TNRC6B: variants seen among roughly 807,000 people sequenced by gnomAD.
TNRC6B encodes the protein trinucleotide repeat-containing gene 6B protein.
Under a neutral mutation model 203.6 loss-of-function variants are expected in TNRC6B, and 52 were observed. That is an observed-to-expected ratio of 0.26 (90% CI 0.20 to 0.32). The LOEUF is 0.32. TNRC6B is among the 10% of genes least tolerant of loss of function. The probability of loss-of-function intolerance (pLI) is 1.00; values close to 1 mark genes in which losing one functional copy is unlikely to be tolerated. For synonymous variants in TNRC6B, 838 were observed against 845.7 expected, an observed-to-expected ratio of 0.99 and a Z score of 0.16; for missense variants, 1,923 against 2,286.2, an observed-to-expected ratio of 0.84 and a Z score of 3.24.
At chr22:40,239,646 T>TA (rs1251848303) in intron 1 of TNRC6B, among the ~76,000 whole-genome samples, 2 of 152,160 alleles carry the variant, frequency 1.3e-5, no homozygotes, top group Non-Finnish European at 2.9e-5. Context: ...GAATGCCAAT[T>TA]ACAGATGCTT....
chr22:40,320,050 A>C (rs1385872999), intron 21 of TNRC6B, among the ~76,000 whole-genome samples: 1 of 152,254 alleles, frequency 6.6e-6, no homozygotes, highest in Non-Finnish European at 1.5e-5. Flanking sequence ...AAAGAACTAC[A>C]GAGAAACTGC....
At chr22:40,133,147 TTGAC>T (rs1197340907) in intron 3 of TNRC6B, among the ~76,000 whole-genome samples, 2 of 151,702 alleles carry the variant, frequency 1.3e-5, no homozygotes, top group South Asian at 4.2e-4. Context: ...ACATGTGGCT[TTGAC>T]TGGTTAAATG....
intron 15 of TNRC6B, among the ~76,000 whole-genome samples, chr22:40,302,632 CAA>C (rs200078286): frequency 2.1e-4 from 15 of 70,448 alleles, no homozygotes; most frequent in Admixed American, 4.8e-4. Flanking sequence ...GACCCCATCT[CAA>C]AAAAAAAAAA....
At chr22:40,152,163 C>T (rs960969650) in intron 3 of TNRC6B, among the ~76,000 whole-genome samples, 8 of 151,958 alleles carry the variant, frequency 5.3e-5, no homozygotes, top group African/African-American at 1.7e-4. Flanking sequence ...TCTTTCTTAC[C>T]ACTATAAAAA....
intron 15 of TNRC6B, among the ~76,000 whole-genome samples, chr22:40,304,629 A>G (rs1374673693): frequency 6.6e-6 from 1 of 152,236 alleles, no homozygotes; most frequent in East Asian, 1.9e-4. Flanking sequence ...TTAAAATAAG[A>G]TGGTAGCGAA....
Position 40,281,133 on chromosome 22 carries a change from C to G in TNRC6B, c.3426C>G (p.Phe1142Leu). ...CTACTTTTCAGCTGACTTTGCCTTT[C>G]TCCAATCAAGATGGGTGCCTTGGGG... ...GPYFEKLTLP[F>L]SNQDGCLGDE... is the part of the protein sequence containing the mutation. The change falls in exon 11 of 23, where the codon TTC (phenylalanine) becomes TTG (leucine). Residue 1142 changes from phenylalanine (F) to leucine (L), a missense_variant. By Grantham distance (22) the Phe-to-Leu change is conservative (BLOSUM62 0). Transcript: ENST00000454349. 1 of 1,549,676 alleles carries G rather than the reference C, an allele frequency of 6.5e-7. No individual in the cohort carries two copies. Among genetic ancestry groups the G allele is most frequent in the Non-Finnish European group, 8.7e-7 (1 of 1,146,070 alleles).
chr22:40,219,802 T>C (rs759231253), intron 1 of TNRC6B, among the ~76,000 whole-genome samples: 1 of 152,186 alleles, frequency 6.6e-6, no homozygotes, highest in Non-Finnish European at 1.5e-5. Flanking sequence ...CCTATTACCC[T>C]GTCTGGTTTA....
Position 40,266,274 on chromosome 22 carries a change from G to C in TNRC6B, c.2044G>C (p.Glu682Gln). ...CAATCAAATGAAGTCTGGATGGGGG[G>C]AGCTCTCAGCCTCTACAGAGTGGAA... The part of the protein sequence containing the change: ...QSNQMKSGWG[E>Q]LSASTEWKDP... The change falls in exon 5 of 23, where the codon GAG becomes CAG. Residue 682 changes from glutamate to glutamine, a missense_variant. Around this residue, in one of 8 missense-constraint regions of TNRC6B, gnomAD observed 599 missense variants for 656.5 expected, o/e 0.91. Transcript: ENST00000454349. 6.3e-7 allele frequency: 1 copy of C among 1,592,210 alleles called. No homozygotes were observed. The highest frequency in any genetic ancestry group is 1.1e-5 in the South Asian group (1 of 88,480).
At chr22:40,236,737 A>G (rs2069952739) in intron 1 of TNRC6B, among the ~76,000 whole-genome samples, 1 of 152,184 alleles carries the variant, frequency 6.6e-6, no homozygotes, top group Admixed American at 6.5e-5. Flanking sequence ...TTTCATTCCC[A>G]TCAGCCTACA....
At chr22:40,126,423 A>G (rs565715971) in intron 3 of TNRC6B, among the ~76,000 whole-genome samples, 56 of 151,796 alleles carry the variant, frequency 3.7e-4, no homozygotes, top group African/African-American at 1.3e-3. Context: ...TGGAGTCCCC[A>G]GTGTCCACCG....
chr22:40,303,632 C>G (rs1178910189), intron 15 of TNRC6B, among the ~76,000 whole-genome samples: 1 of 152,140 alleles, frequency 6.6e-6, no homozygotes, highest in African/African-American at 2.4e-5. Flanking sequence ...ATTTTCCTGT[C>G]TGGGCACAGT....
At chr22:40,171,090 G>A (rs2068992229) in intron 4 of TNRC6B, among the ~76,000 whole-genome samples, 1 of 145,938 alleles carries the variant, frequency 6.9e-6, no homozygotes. Context: ...TTATATATAT[G>A]TATGTATAGG....
At chr22:40,250,480 G>T (rs2070176397) in intron 2 of TNRC6B, among the ~76,000 whole-genome samples, 1 of 151,496 alleles carries the variant, frequency 6.6e-6, no homozygotes, top group Admixed American at 6.6e-5. Flanking sequence ...TTTTAACAAA[G>T]CACCCTTGAT....
chr22:40,141,686 A>G (rs534541755), intron 3 of TNRC6B, among the ~76,000 whole-genome samples: 3 of 151,946 alleles, frequency 2.0e-5, no homozygotes, highest in Admixed American at 6.6e-5. Context: ...TAGTCTGCCT[A>G]CTGTTGCATA....
chr22:40,270,192 T>A lies in TNRC6B; in HGVS notation c.2877T>A (p.Ser959Arg). Residue 959 changes from serine to arginine, a missense_variant, in exon 6 of 23, where the codon AGT becomes AGA. Physicochemically the swap from Ser to Arg is moderately radical, Grantham distance 110. Transcript: ENST00000454349. Reference sequence around the variant, plus strand: ...CTTGGGGTGAGCCAAATGAAAGCAGTCCTGGGTGGGGCGAGATGGATGATA... The same window carrying A: ...CTTGGGGTGAGCCAAATGAAAGCAGACCTGGGTGGGGCGAGATGGATGATA... Reference protein sequence around the residue: ...TSAWGEPNESSPGWGEMDDTG... With the variant: ...TSAWGEPNESRPGWGEMDDTG... The A allele has an allele frequency of 6.4e-7, 1 of 1,570,834 alleles. No homozygotes were observed. Among genetic ancestry groups the A allele is most frequent in the Non-Finnish European group, 8.6e-7 (1 of 1,157,436 alleles).
At chr22:40,205,713 T>C (rs2069469319) in intron 1 of TNRC6B, among the ~76,000 whole-genome samples, 1 of 152,228 alleles carries the variant, frequency 6.6e-6, no homozygotes, top group Non-Finnish European at 1.5e-5. Context: ...AAAAATGTAA[T>C]TGAAAGTGTT....
In TNRC6B at chr22:40,120,937, T is replaced by C. The variant is rs546717020; in HGVS notation, c.-47+3809T>C. Among the ~76,000 whole-genome samples the C allele has an allele frequency of 2.0e-5, 3 of 152,200 alleles. No homozygotes were observed. In the East Asian group the frequency reaches 5.8e-4, roughly 29 times the overall value. On this transcript the variant is annotated intron_variant, in intron 2 of 23. Transcript: ENST00000301923. ...CGAAAGGAGCAGAGCAGAACAGGTG[T>C]CCCCAAGGGAAAAGGGAGAGAAAAG... is the stretch of plus-strand genomic sequence containing the variant.
Position 40,277,980 on chromosome 22 carries a change from T to C in TNRC6B, c.3217-19T>C, listed in dbSNP as rs769362886. On this transcript the variant is annotated intron_variant, in intron 8 of 22. Transcript: ENST00000454349. ...GATGTGCATCCTTAATTCTCTCTCA[T>C]CTGTTCTTTATTTTCCAGAGTCAGA... The C allele has an allele frequency of 1.3e-6, 2 of 1,541,944 alleles. No homozygotes were observed. Among genetic ancestry groups the C allele is most frequent in the South Asian group, 2.4e-5 (2 of 84,224 alleles).
At chr22:40,070,393 A>T (rs1444156184) in intron 1 of TNRC6B, among the ~76,000 whole-genome samples, 1 of 152,202 alleles carries the variant, frequency 6.6e-6, no homozygotes, top group Admixed American at 6.5e-5. Flanking sequence ...AGAAAATCTC[A>T]TGCTGTTTTT....
Sources: allele counts gnomAD v4.1 joint callset (sites outside exome capture counted in the v4.1 genomes callset), GRCh38; gene constraint gnomAD v4.1.1; regional missense constraint gnomAD v4.1.1; transcripts MANE v1.5; gene names NCBI Gene and HGNC (gene_info 2026-07-23, HGNC 2026-07-21).